PAX2: variants seen among roughly 807,000 people sequenced by gnomAD.
PAX2 encodes paired box protein Pax-2.
PAX2 carries 9 observed loss-of-function variants against 41.7 expected under a neutral mutation model. The observed-to-expected ratio is 0.22, with a 90% confidence interval of 0.13 to 0.38. The LOEUF (loss-of-function observed/expected upper bound fraction) is 0.38, where lower values mean the gene tolerates loss of function less well. Among genes scored for constraint, PAX2 ranks in the 10% least tolerant of loss-of-function variants. The pLI, the probability that PAX2 is intolerant of heterozygous loss-of-function variation, is 1.00. For synonymous variants in PAX2, 221 were observed against 212.7 expected, an observed-to-expected ratio of 1.04 and a Z score of -0.34; for missense variants, 418 against 531.6, an observed-to-expected ratio of 0.79 and a Z score of 2.10.
In PAX2 at chr10:100,827,395, C is replaced by T; in HGVS notation, c.1109-148C>T. 1 of 799,048 alleles carries T rather than the reference C, an allele frequency of 1.3e-6. No individual in the cohort carries two copies. The highest frequency in any genetic ancestry group is 2.0e-5 in the Admixed American group (1 of 50,382). The allele number at this position is 799,048 out of a possible 1,614,324, so 49.5% of individuals were successfully genotyped here. A position where few individuals can be genotyped will look rare whatever the true frequency, so the allele number is the denominator to read the frequency against. On this transcript the variant is annotated intron_variant, in intron 9 of 9. Transcript: ENST00000355243. This position sits in a 1 kb window ranked among gnomAD's most constrained non-coding sequence, Gnocchi z 8.5. The stretch of plus-strand genomic sequence containing the variant: ...CCGTGAACGCAACTATTCTCCGGGG[C>T]AACTGGCTCCACTGCCCAGCCAAGG...
At chr10:100,794,248 C>A (rs551164753) in intron 5 of PAX2, among the ~76,000 whole-genome samples, 1 of 152,228 alleles carries the variant, frequency 6.6e-6, no homozygotes, top group African/African-American at 2.4e-5. Context: ...CCAAGTCATG[C>A]GGGTTGAGGG....
In PAX2 at chr10:100,749,732, T is replaced by C; in HGVS notation, c.44-14T>C. On this transcript the variant is annotated splice_polypyrimidine_tract_variant and intron_variant, in intron 1 of 9. Coordinates refer to ENST00000355243, the MANE Select transcript of PAX2 (RefSeq NM_000278.5). The stretch of plus-strand genomic sequence containing the variant: ...GTGTGTGGGGTGTTGTGTTTTTTTC[T>C]TGTCTCTCCCCAGCAGGGCACGGGG... 6.2e-7 allele frequency: 1 copy of C among 1,605,530 alleles called. No homozygotes were observed. The highest frequency in any genetic ancestry group is 8.5e-7 in the Non-Finnish European group (1 of 1,174,182).
intron 7 of PAX2, among the ~76,000 whole-genome samples, chr10:100,820,914 AT>A (rs1848361349): frequency 6.6e-6 from 1 of 152,212 alleles, no homozygotes; most frequent in Non-Finnish European, 1.5e-5. Flanking sequence ...TAACTGATGT[AT>A]TCTGCCACAT....
At chr10:100,793,224 G>A (rs1274165569) in intron 5 of PAX2, among the ~76,000 whole-genome samples, 4 of 152,180 alleles carry the variant, frequency 2.6e-5, no homozygotes, top group Non-Finnish European at 5.9e-5. Flanking sequence ...GGAGCTAGAC[G>A]CTCAGTGAGC....
intron 7 of PAX2, among the ~76,000 whole-genome samples, chr10:100,813,776 T>C (rs1178607548): frequency 6.6e-6 from 1 of 152,146 alleles, no homozygotes; most frequent in East Asian, 1.9e-4. Flanking sequence ...TTGTACAGGA[T>C]AGTAACCCAT....
chr10:100,746,219 A>ACGG lies in PAX2; in HGVS notation c.-31_-29dup. 1.2e-6 allele frequency: 2 copies of ACGG among 1,612,478 alleles called. No homozygotes were observed. The highest frequency in any genetic ancestry group is 1.7e-6 in the Non-Finnish European group (2 of 1,179,424). ...CCTGAAGTTGAGTTTGAGAGGCGAC[A>ACGG]CGGCGGCGGCGGCCGCGCTGCTCCC... On this transcript the variant is annotated 5_prime_UTR_variant, in exon 1 of 10. Transcript: ENST00000355243.
At chr10:100,778,156 T>C (rs1846468709) in intron 3 of PAX2, among the ~76,000 whole-genome samples, 1 of 152,208 alleles carries the variant, frequency 6.6e-6, no homozygotes, top group African/African-American at 2.4e-5. Flanking sequence ...AGACCAAGGC[T>C]ATGTGGCTTC....
rs371041678 is a variant in PAX2, at chr10:100,749,777, G to A, written c.75G>A (p.Gly25=). Residue 25 remains glycine, a synonymous_variant, in exon 2 of 10, where the codon GGG becomes GGA. Coordinates refer to ENST00000355243, the MANE Select transcript of PAX2 (RefSeq NM_000278.5). ...PGHGGVNQLG[G]VFVNGRPLPD... is the part of the protein sequence containing the mutation. Reference sequence around the variant, plus strand: ...ACGGGGGTGTGAACCAGCTCGGGGGGGTGTTTGTGAACGGCCGGCCCCTAC... The same window carrying A: ...ACGGGGGTGTGAACCAGCTCGGGGGAGTGTTTGTGAACGGCCGGCCCCTAC... 4.3e-6 allele frequency: 7 copies of A among 1,611,948 alleles called. No homozygotes were observed. The highest frequency in any genetic ancestry group is 5.9e-6 in the Non-Finnish European group (7 of 1,178,900).
upstream of PAX2, among the ~76,000 whole-genome samples, chr10:100,744,043 C>T (rs1845055791): frequency 6.6e-6 from 1 of 152,334 alleles, no homozygotes; most frequent in Middle Eastern, 3.4e-3. Flanking sequence ...TCCCGCTGAG[C>T]CTGGCCTGAG....
chr10:100,823,719 T>C (rs976538525), intron 7 of PAX2, among the ~76,000 whole-genome samples: 23 of 152,054 alleles, frequency 1.5e-4, no homozygotes, highest in Non-Finnish European at 2.5e-4. Context: ...CAAATTATTA[T>C]TAGAGATCAG....
At chr10:100,749,015 G>A in intron 1 of PAX2, 1 of 985,438 alleles carries the variant, frequency 1.0e-6, no homozygotes. Flanking sequence ...TCTGAGCGCA[G>A]CAGACCCCGG....
intron 3 of PAX2, among the ~76,000 whole-genome samples, chr10:100,752,260 C>T (rs987725340): frequency 1.1e-4 from 16 of 152,366 alleles, no homozygotes; most frequent in African/African-American, 2.4e-4. Context: ...TCCGAAAACC[C>T]TCCAGCTCCC....
intron 1 of PAX2, among the ~76,000 whole-genome samples, chr10:100,737,724 G>A (rs1844825023): frequency 6.6e-6 from 1 of 152,224 alleles, no homozygotes; most frequent in Non-Finnish European, 1.5e-5. Flanking sequence ...GTTTGGCCGG[G>A]GCACAACTCC....
chr10:100,767,305 C>A (rs781506997), intron 3 of PAX2, among the ~76,000 whole-genome samples: 5 of 152,216 alleles, frequency 3.3e-5, no homozygotes, highest in Non-Finnish European at 5.9e-5. Flanking sequence ...GCAGCAGCAC[C>A]ATGCCGTTTC....
rs1006624548 is a variant in PAX2, at chr10:100,827,029, C to T, written c.1042C>T (p.Pro348Ser). 1 of 1,613,628 alleles carries T rather than the reference C, an allele frequency of 6.2e-7. No individual in the cohort carries two copies. Among genetic ancestry groups the T allele is most frequent in the African/African-American group, 1.3e-5 (1 of 75,044 alleles). ...CGCAGGGAGCGAGTTCTCCGGCAAC[C>T]CGTACAGCCACCCCCAGTACACGGC... ...MVPGSEFSGN[P>S]YSHPQYTAYN... The change falls in exon 9 of 10, where the codon CCG becomes TCG. Residue 348 changes from proline (P) to serine (S), a missense_variant. Around this residue, in one of 2 missense-constraint regions of PAX2, gnomAD observed 310 missense variants for 325.2 expected, o/e 0.95. Coordinates refer to ENST00000355243, the MANE Select transcript of PAX2 (RefSeq NM_000278.5). This position sits in a 1 kb window ranked among gnomAD's most constrained non-coding sequence, Gnocchi z 8.5.
At chr10:100,758,641 C>T (rs1178667208) in intron 3 of PAX2, among the ~76,000 whole-genome samples, 1 of 152,220 alleles carries the variant, frequency 6.6e-6, no homozygotes, top group Non-Finnish European at 1.5e-5. Context: ...GTGGTGAGAA[C>T]TGGACAAACA....
At chr10:100,794,951 G>A (rs752450148) in intron 5 of PAX2, among the ~76,000 whole-genome samples, 1 of 152,112 alleles carries the variant, frequency 6.6e-6, no homozygotes, top group African/African-American at 2.4e-5. Flanking sequence ...CCCGATTAAG[G>A]TCATAAGGAT....
rs568207940 is a variant in PAX2 at position 100,788,897 on chromosome 10, G to GAC, written c.616+7542_616+7543dup. Among the ~76,000 whole-genome samples the GAC allele has an allele frequency of 1.3e-3, 198 of 151,704 alleles. 1 individual carries two copies. The highest frequency in any genetic ancestry group is 4.7e-3 in the African/African-American group (193 of 41,352). ...CCCCCGACACACATACATGCACACC[G>GAC]ACACACACACATGCACACCCAGCCA... On this transcript the variant is annotated intron_variant, in intron 5 of 9. Coordinates refer to ENST00000355243, the MANE Select transcript of PAX2 (RefSeq NM_000278.5).
intron 5 of PAX2, among the ~76,000 whole-genome samples, chr10:100,792,846 A>G (rs533433550): frequency 4.6e-5 from 7 of 152,272 alleles, no homozygotes; most frequent in Admixed American, 3.3e-4. Context: ...GCGGTGTGGC[A>G]GTGTCAGCTC....
Sources: gnomAD v4.1 joint callset for allele counts (sites outside exome capture counted in the v4.1 genomes callset) on GRCh38, gnomAD v4.1.1 for gene constraint, gnomAD v4.1.1 regional missense constraint, Gnocchi (gnomAD v3.1) non-coding constraint, MANE v1.5 for transcripts, NCBI Gene and HGNC (gene_info 2026-07-23, HGNC 2026-07-21) for gene names.